The following DCUN1D1 variants were observed in gnomAD, a reference collection of about 807,000 sequenced individuals.
DCUN1D1 encodes defective in cullin neddylation 1 domain containing 1, also known as DCN1-like protein 1.
Under a neutral mutation model 39.0 loss-of-function variants are expected in DCUN1D1, and 3 were observed. The observed-to-expected ratio is 0.08, with a 90% CI of 0.04 to 0.20. The LOEUF is 0.20. Among genes scored for constraint, DCUN1D1 ranks in the 10% least tolerant of loss-of-function variants. The pLI is 1.00. For missense variants in DCUN1D1, 158 were observed against 302.4 expected, an observed-to-expected ratio of 0.52 and a Z score of 3.54; for synonymous variants, 82 against 96.3, an observed-to-expected ratio of 0.85 and a Z score of 0.87.
Position 182,941,406 on chromosome 3 carries a change from T to C in DCUN1D1, c.*3688A>G, listed in dbSNP as rs1408713996. 2 of 152,078 alleles carry C rather than the reference T, an allele frequency of 1.3e-5. No homozygotes were observed. Among genetic ancestry groups the C allele is most frequent in the Non-Finnish European group, 2.9e-5 (2 of 67,968 alleles). 9.4% of individuals were successfully genotyped at this position (152,078 alleles called of 1,614,324 possible). A position where few individuals can be genotyped will look rare whatever the true frequency, so the allele number is the denominator to read the frequency against. ...AATAAAAATAGAAATTATTGCTATATTATGATTGTAAAAATGGAGGCAATA... is the reference window on the plus strand; with the variant it reads ...AATAAAAATAGAAATTATTGCTATACTATGATTGTAAAAATGGAGGCAATA... On this transcript the variant is annotated 3_prime_UTR_variant, in exon 7 of 7. Transcript: ENST00000292782.
At chr3:182,949,405 C>G (rs1560162429) in intron 4 of DCUN1D1, among the ~76,000 whole-genome samples, 1 of 151,668 alleles carries the variant, frequency 6.6e-6, no homozygotes, top group Non-Finnish European at 1.5e-5. Context: ...AATTCACTGT[C>G]AAAAACAGAT....
rs1726221499 is a variant in DCUN1D1 at position 182,943,210 on chromosome 3, T to C, written c.*1884A>G. On this transcript the variant is annotated 3_prime_UTR_variant, in exon 7 of 7. Coordinates refer to ENST00000292782, the MANE Select transcript of DCUN1D1 (RefSeq NM_020640.4). ...TGAAACCAATAACCATAACTCAAAATCTTCAAGACAGGAAACAAAACAGTA... is the reference window on the plus strand; with the variant it reads ...TGAAACCAATAACCATAACTCAAAACCTTCAAGACAGGAAACAAAACAGTA... 1 of 139,704 alleles carries C rather than the reference T, an allele frequency of 7.2e-6. No individual in the cohort carries two copies. The highest frequency in any genetic ancestry group is 2.3e-4 in the South Asian group (1 of 4,340). The allele number at this position is 139,704 out of a possible 1,614,324, so 8.7% of individuals were successfully genotyped here.
intron 1 of DCUN1D1, among the ~76,000 whole-genome samples, chr3:182,973,551 A>G (rs1193367492): frequency 3.9e-5 from 6 of 152,178 alleles, no homozygotes; most frequent in Non-Finnish European, 7.3e-5. Context: ...GCTCACGCCT[A>G]TAATCCCAGC....
intron 6 of DCUN1D1, among the ~76,000 whole-genome samples, chr3:182,946,284 G>A (rs750383215): frequency 6.6e-6 from 1 of 152,150 alleles, no homozygotes; most frequent in African/African-American, 2.4e-5. Context: ...TAGGCTGGGC[G>A]CAGTGGCTCA....
At chr3:182,957,762 T>G (rs2108640045) in intron 4 of DCUN1D1, among the ~76,000 whole-genome samples, 1 of 151,100 alleles carries the variant, frequency 6.6e-6, no homozygotes, top group South Asian at 2.1e-4. Flanking sequence ...ACCGCAAGTC[T>G]CCAGCTCCAC....
chr3:182,938,242 T>C lies in DCUN1D1; in HGVS notation c.*6852A>G, dbSNP rs1725979755. The C allele has an allele frequency of 6.6e-6, 1 of 152,114 alleles. No individual in the cohort carries two copies. 9.4% of individuals were successfully genotyped at this position (152,114 alleles called of 1,614,324 possible). A position where few individuals can be genotyped will look rare whatever the true frequency, so the allele number is the denominator to read the frequency against. On this transcript the variant is annotated 3_prime_UTR_variant, in exon 7 of 7. Coordinates refer to ENST00000292782, the MANE Select transcript of DCUN1D1 (RefSeq NM_020640.4). ...GAAATTTAAAGTGCTAAAGCAATCA[T>C]TGTTTTTTCAAAAAAATGAATTTGA...
At chr3:182,958,029 G>A (rs1016300109) in intron 4 of DCUN1D1, among the ~76,000 whole-genome samples, 2 of 149,764 alleles carry the variant, frequency 1.3e-5, no homozygotes, top group East Asian at 1.9e-4. Context: ...CCACAGGGTT[G>A]TCACTCACTC....
chr3:182,979,897 G>C (rs528938298), intron 1 of DCUN1D1, among the ~76,000 whole-genome samples: 10 of 152,142 alleles, frequency 6.6e-5, no homozygotes, highest in Non-Finnish European at 1.3e-4. Flanking sequence ...GGGACGCCTC[G>C]AGAGGTGATG....
At chr3:182,980,141 CG>C in intron 1 of DCUN1D1, 1 of 877,184 alleles carries the variant, frequency 1.1e-6, no homozygotes, top group Non-Finnish European at 1.4e-6. Flanking sequence ...GGGGCAAGGC[CG>C]TTGCCCCCTC....
At chr3:182,965,285 G>A (rs183053429) in intron 2 of DCUN1D1, among the ~76,000 whole-genome samples, 28 of 151,990 alleles carry the variant, frequency 1.8e-4, no homozygotes, top group African/African-American at 6.8e-4. Flanking sequence ...TACATATGAG[G>A]GCAGAAAAAA....
At chr3:182,954,124 T>C (rs192804788) in intron 4 of DCUN1D1, among the ~76,000 whole-genome samples, 87 of 152,296 alleles carry the variant, frequency 5.7e-4, no homozygotes, top group Admixed American at 9.8e-4. Context: ...AAATAACATA[T>C]ATAGTATAAG....
rs933727817 is a variant in DCUN1D1 at position 182,955,674 on chromosome 3, C to T, written c.520+5552G>A. ...TCTCGGCTCACTGCAACCTCCACCT[C>T]CCAAGTTCAAGTGAACCTGCCTCAG... is the stretch of plus-strand genomic sequence containing the variant. On this transcript the variant is annotated intron_variant, in intron 4 of 6. Coordinates refer to ENST00000292782, the MANE Select transcript of DCUN1D1 (RefSeq NM_020640.4). 19 of 346,100 alleles carry T rather than the reference C, an allele frequency of 5.5e-5. No individual in the cohort carries two copies. In the East Asian group the frequency reaches 1.5e-3, roughly 27 times the overall value. The allele number at this position is 346,100 out of a possible 1,614,324, so 21.4% of individuals were successfully genotyped here.
At chr3:182,948,916 C>T (rs924155604) in intron 4 of DCUN1D1, among the ~76,000 whole-genome samples, 2 of 151,340 alleles carry the variant, frequency 1.3e-5, no homozygotes, top group East Asian at 1.9e-4. Context: ...GGCATAGTGG[C>T]GGGCACCTGT....
upstream of DCUN1D1, among the ~76,000 whole-genome samples, chr3:182,982,704 G>A (rs1411257680): frequency 9.9e-5 from 15 of 152,044 alleles, no homozygotes; most frequent in Admixed American, 3.3e-4. Context: ...GTACAATGGC[G>A]CAATCTCAGC....
chr3:182,967,635 CTT>C (rs1727739087), intron 1 of DCUN1D1, among the ~76,000 whole-genome samples: 1 of 152,198 alleles, frequency 6.6e-6, no homozygotes, highest in South Asian at 2.1e-4. Flanking sequence ...ATTCACTACT[CTT>C]CTGCTACTTC....
rs140989320 is a variant in DCUN1D1 at position 182,956,863 on chromosome 3, C to A, written c.520+4363G>T. Reference sequence around the variant, plus strand: ...AGTCTCACAAAAATTAACAGACCCACGGTGTTCTATATTACTTAGGCTCCT... The same window carrying A: ...AGTCTCACAAAAATTAACAGACCCAAGGTGTTCTATATTACTTAGGCTCCT... On this transcript the variant is annotated intron_variant, in intron 4 of 6. Transcript: ENST00000292782. Among the ~76,000 whole-genome samples, 84 of 152,246 alleles carry A rather than the reference C, an allele frequency of 5.5e-4. 1 individual carries two copies. The highest frequency in any genetic ancestry group is 1.9e-3 in the African/African-American group (81 of 41,550).
intron 4 of DCUN1D1, among the ~76,000 whole-genome samples, chr3:182,957,636 C>A (rs113855464): frequency 1.7e-3 from 257 of 148,978 alleles, no homozygotes; most frequent in Admixed American, 4.5e-3. Context: ...TAAAACAAAT[C>A]AAAAAAAAAT....
chr3:182,947,191 T>C, intron 6 of DCUN1D1, 47 bp downstream of exon 6: 1 of 1,043,472 alleles, frequency 9.6e-7, no homozygotes. Flanking sequence ...GGGTATGGGA[T>C]AAAAAGGCAC....
At chr3:182,945,194 G>A in intron 6 of DCUN1D1, 21 bp from the exon 7 acceptor site, 1 of 1,576,052 alleles carries the variant, frequency 6.3e-7, no homozygotes, top group Non-Finnish European at 8.6e-7. Context: ...GAAAAAATAT[G>A]AAAGAAAGAG....
Sources: allele counts gnomAD v4.1 joint callset (sites outside exome capture counted in the v4.1 genomes callset), GRCh38; gene constraint gnomAD v4.1.1; transcripts MANE v1.5; gene names NCBI Gene and HGNC (gene_info 2026-07-23, HGNC 2026-07-21).